Variants in KDM5A observed in about 807,000 individuals in gnomAD.
KDM5A encodes the protein lysine demethylase 5A.
In KDM5A, 42 loss-of-function variants were observed where a neutral mutation model predicts 193.5. The observed-to-expected ratio is 0.22, with a 90% CI of 0.17 to 0.28. The LOEUF is 0.28. Among genes scored for constraint, KDM5A ranks in the 10% least tolerant of loss-of-function variants. The pLI, the probability that KDM5A is intolerant of heterozygous loss-of-function variation, is 1.00. For synonymous variants in KDM5A, 796 were observed against 718.1 expected (o/e 1.11, Z -1.73); for missense variants, 1,692 against 2,055.1 (o/e 0.82, Z 3.42).
chr12:298,439 C>T (rs1339173813), intron 24 of KDM5A, among the ~76,000 whole-genome samples: 2 of 151,846 alleles, frequency 1.3e-5, no homozygotes, highest in Non-Finnish European at 2.9e-5. Flanking sequence ...AACTCCAGCA[C>T]ACCTGCAGCA....
At chr12:323,237 A>AT in intron 15 of KDM5A, 31 bp from the exon 16 acceptor site, 1 of 1,497,744 alleles carries the variant, frequency 6.7e-7, no homozygotes, top group Admixed American at 2.2e-5. Context: ...AAAAAAAAAA[A>AT]AAGAAAACAG....
chr12:314,569 T>A (rs1056681994), intron 19 of KDM5A, among the ~76,000 whole-genome samples: 3 of 152,152 alleles, frequency 2.0e-5, no homozygotes, highest in Non-Finnish European at 4.4e-5. Flanking sequence ...TAATGATAAA[T>A]GAAAGTAAAA....
Position 334,989 on chromosome 12 carries a change from T to C in KDM5A, c.1309-567A>G, listed in dbSNP as rs531645929. Among the ~76,000 whole-genome samples the C allele has an allele frequency of 1.1e-4, 17 of 151,524 alleles. No homozygotes were observed. The East Asian group carries it at 3.1e-3, about 28-fold the overall frequency. On this transcript the variant is annotated intron_variant, in intron 10 of 27. Coordinates refer to ENST00000399788, the MANE Select transcript of KDM5A (RefSeq NM_001042603.3). Reference sequence around the variant, plus strand: ...TCACCACCATCACTCCTAACCATTATACAAACACACCTAGAAATACCGGAT... The same window carrying C: ...TCACCACCATCACTCCTAACCATTACACAAACACACCTAGAAATACCGGAT...
intron 10 of KDM5A, among the ~76,000 whole-genome samples, chr12:346,875 T>C (rs1944084362): frequency 6.6e-6 from 1 of 152,164 alleles, no homozygotes; most frequent in South Asian, 2.1e-4. Context: ...ATGTCTTCTC[T>C]CACCACTCCT....
At chr12:338,814 T>C (rs765370826) in intron 10 of KDM5A, among the ~76,000 whole-genome samples, 7 of 152,140 alleles carry the variant, frequency 4.6e-5, no homozygotes, top group Non-Finnish European at 1.0e-4. Context: ...AAAAAAATCT[T>C]TCCAACATTT....
At chr12:374,570 T>A (rs1309800710) in intron 3 of KDM5A, among the ~76,000 whole-genome samples, 1 of 152,240 alleles carries the variant, frequency 6.6e-6, no homozygotes, top group Non-Finnish European at 1.5e-5. Flanking sequence ...TTAGCCCATT[T>A]ACATTTAAGG....
At chr12:321,347 C>T (rs1159481011) in intron 17 of KDM5A, among the ~76,000 whole-genome samples, 2 of 152,222 alleles carry the variant, frequency 1.3e-5, no homozygotes, top group African/African-American at 2.4e-5. Flanking sequence ...TCAAACATTA[C>T]ATAAATTCCT....
At position 280,280 on chromosome 12, in the gene KDM5A, T is replaced by G. The variant is rs1278521721; in HGVS notation, c.*5176A>C. 1 of 233,066 alleles carries G rather than the reference T, an allele frequency of 4.3e-6. No homozygotes were observed. The highest frequency in any genetic ancestry group is 6.0e-5 in the East Asian group (1 of 16,558). 14.4% of individuals were successfully genotyped at this position (233,066 alleles called of 1,614,324 possible). On this transcript the variant is annotated 3_prime_UTR_variant, in exon 28 of 28. Transcript: ENST00000399788. ...GAGCTTTAAATGAAAATATTCTGGA[T>G]CTTCCATTTATTGGTATCAACCACA...
rs1462294950 is a variant in KDM5A, at chr12:295,715, G to A, written c.4313C>T (p.Ser1438Leu). 6.2e-7 allele frequency: 1 copy of A among 1,613,968 alleles called. No homozygotes were observed. The highest frequency in any genetic ancestry group is 8.5e-7 in the Non-Finnish European group (1 of 1,179,986). The change falls in exon 26 of 28, where the codon TCA (serine) becomes TTA (leucine). Residue 1438 changes from serine to leucine, a missense_variant. This residue lies in a region of KDM5A where 965 missense variants were observed against 1,061.0 expected (regional missense o/e 0.91). Coordinates refer to ENST00000399788, the MANE Select transcript of KDM5A (RefSeq NM_001042603.3). ...TTCCAGTTGTGCCTTAGCTCCAGGTGACAACTCCAGCACTGGAGGTTCCAA... is the reference window on the plus strand; with the variant it reads ...TTCCAGTTGTGCCTTAGCTCCAGGTAACAACTCCAGCACTGGAGGTTCCAA... ...RSLEPPVLEL[S>L]PGAKAQLEEL... is the part of the protein sequence containing the mutation.
At chr12:373,598 T>G (rs1269319912) in intron 3 of KDM5A, among the ~76,000 whole-genome samples, 2 of 152,250 alleles carry the variant, frequency 1.3e-5, no homozygotes, top group African/African-American at 4.8e-5. Context: ...GCTCTGATTT[T>G]AGTTATTTCT....
At chr12:326,050 G>A (rs992715053) in intron 14 of KDM5A, among the ~76,000 whole-genome samples, 3 of 152,172 alleles carry the variant, frequency 2.0e-5, no homozygotes, top group African/African-American at 4.8e-5. Context: ...TCAAGATCAC[G>A]CTAAGTTTTT....
intron 24 of KDM5A, among the ~76,000 whole-genome samples, chr12:297,828 C>T (rs987461611): frequency 2.0e-5 from 3 of 152,232 alleles, no homozygotes; most frequent in African/African-American, 7.2e-5. Flanking sequence ...TAACTCCCTT[C>T]TTTCCCAGTC....
At chr12:340,694 CAAAAAAAA>C (rs375465074) in intron 10 of KDM5A, among the ~76,000 whole-genome samples, 2 of 51,126 alleles carry the variant, frequency 3.9e-5, no homozygotes, top group East Asian at 6.7e-4. Context: ...GACTCCATCA[CAAAAAAAA>C]AAAAAAAAAA....
intron 3 of KDM5A, among the ~76,000 whole-genome samples, chr12:376,018 T>C (rs903590344): frequency 6.6e-6 from 1 of 152,244 alleles, no homozygotes; most frequent in Non-Finnish European, 1.5e-5. Context: ...GTTAGGCTAC[T>C]TGGGGGTCAG....
intron 14 of KDM5A, among the ~76,000 whole-genome samples, chr12:323,985 A>G (rs3815558): frequency 0.22 from 32,705 of 152,074 alleles, 3,775 homozygotes; most frequent in South Asian, 0.3. Context: ...TTTGGTATCT[A>G]AGGATGCACA....
intron 3 of KDM5A, among the ~76,000 whole-genome samples, chr12:378,012 G>A (rs1466075680): frequency 1.3e-5 from 2 of 152,196 alleles, no homozygotes; most frequent in Non-Finnish European, 2.9e-5. Flanking sequence ...AAAAATTAAT[G>A]TAACTACACT....
intron 10 of KDM5A, among the ~76,000 whole-genome samples, chr12:334,950 C>T (rs1943907708): frequency 6.6e-6 from 1 of 150,846 alleles, no homozygotes; most frequent in African/African-American, 2.4e-5. Flanking sequence ...ATAAGACTGA[C>T]AGGATGCAGA....
chr12:290,727 AC>A (rs907148542), intron 27 of KDM5A, among the ~76,000 whole-genome samples: 3 of 150,100 alleles, frequency 2.0e-5, no homozygotes, highest in Non-Finnish European at 4.4e-5. Flanking sequence ...GAAAAAAAAA[AC>A]GGCCTAAGTG....
intron 24 of KDM5A, among the ~76,000 whole-genome samples, chr12:298,434 C>G (rs1272000021): frequency 6.6e-6 from 1 of 152,026 alleles, no homozygotes; most frequent in East Asian, 1.9e-4. Flanking sequence ...CACCAAACTC[C>G]AGCACACCTG....
Sources: allele counts gnomAD v4.1 joint callset (sites outside exome capture counted in the v4.1 genomes callset), GRCh38; gene constraint gnomAD v4.1.1; regional missense constraint gnomAD v4.1.1; transcripts MANE v1.5; gene names NCBI Gene and HGNC (gene_info 2026-07-23, HGNC 2026-07-21).